The following RELN variants were observed in gnomAD, a reference collection of about 807,000 sequenced individuals.
RELN encodes reelin.
In RELN, 108 loss-of-function variants were observed where a neutral mutation model predicts 427.6. That is an observed-to-expected ratio of 0.25 (90% CI 0.22 to 0.30). The LOEUF is 0.30. RELN is among the 10% of genes least tolerant of loss of function. The pLI is 1.00. For missense variants in RELN, 3,715 were observed against 4,302.8 expected (o/e 0.86, Z 3.82); for synonymous variants, 1,524 against 1,513.4 (o/e 1.01, Z -0.16).
Position 103,952,545 on chromosome 7 carries a change from TCTCA to T in RELN, c.227-35364_227-35361del, listed in dbSNP as rs1407737407. 3.6e-3 allele frequency among the ~76,000 whole-genome samples: 528 copies of T among 145,340 alleles called. 4 individuals are homozygous for T. Among genetic ancestry groups the T allele is most frequent in the African/African-American group, 0.014 (511 of 37,646 alleles). ...CACACACACACACATACATACATAC[TCTCA>T]CTCTTTCTCTCTCTCTCTCTCTCTG... is the stretch of plus-strand genomic sequence containing the variant. On this transcript the variant is annotated intron_variant, in intron 1 of 64. Coordinates refer to ENST00000428762, the MANE Select transcript of RELN (RefSeq NM_005045.4).
At chr7:103,974,377 G>A (rs1796828305) in intron 1 of RELN, among the ~76,000 whole-genome samples, 1 of 152,184 alleles carries the variant, frequency 6.6e-6, no homozygotes, top group African/African-American at 2.4e-5. Flanking sequence ...TCCATTTCCT[G>A]AGCCTGTGGG....
intron 3 of RELN, among the ~76,000 whole-genome samples, chr7:103,777,132 A>G (rs1300496813): frequency 6.6e-6 from 1 of 152,194 alleles, no homozygotes; most frequent in East Asian, 1.9e-4. Context: ...AATCTGTCAT[A>G]ACAAAATAAA....
intron 8 of RELN, among the ~76,000 whole-genome samples, chr7:103,708,788 T>TA (rs1789711136): frequency 1.3e-5 from 2 of 152,122 alleles, no homozygotes; most frequent in Admixed American, 1.3e-4. Context: ...TTAACTCTCT[T>TA]ACACGATTCG....
intron 31 of RELN, 34 bp from the exon 32 acceptor site, chr7:103,566,793 C>T (rs1414442719): frequency 6.2e-7 from 1 of 1,600,612 alleles, no homozygotes; most frequent in East Asian, 2.2e-5. Flanking sequence ...GTTATTTGGA[C>T]ACTTTCCTAG....
rs552700955 is a variant in RELN, at chr7:103,788,420, G to A, written c.474-11793C>T. Among the ~76,000 whole-genome samples, 4 of 152,218 alleles carry A rather than the reference G, an allele frequency of 2.6e-5. No individual in the cohort carries two copies. The South Asian group carries it at 8.3e-4, about 32-fold the overall frequency. ...AATTGTCTCTGTTTGCAGATGACAC[G>A]ATTGTATATTTAGAAAACCCCATCG... On this transcript the variant is annotated intron_variant, in intron 3 of 64. Transcript: ENST00000428762.
At chr7:103,508,655 G>A (rs1011207366) in intron 51 of RELN, among the ~76,000 whole-genome samples, 26 of 152,168 alleles carry the variant, frequency 1.7e-4, no homozygotes, top group Non-Finnish European at 3.2e-4. Context: ...TCTGGCCAGG[G>A]CAATCAGGCA....
At chr7:103,481,086 A>G (rs1828216627) in intron 63 of RELN, among the ~76,000 whole-genome samples, 1 of 152,212 alleles carries the variant, frequency 6.6e-6, no homozygotes, top group African/African-American at 2.4e-5. Flanking sequence ...GACAGGGAGC[A>G]AGGAATAGAG....
chr7:103,959,544 AT>A (rs1796503921), intron 1 of RELN, among the ~76,000 whole-genome samples: 1 of 152,124 alleles, frequency 6.6e-6, no homozygotes, highest in Non-Finnish European at 1.5e-5. Context: ...ACTGAAGTAA[AT>A]GACAACTCCA....
At chr7:103,863,501 A>G (rs1252899542) in intron 2 of RELN, among the ~76,000 whole-genome samples, 2 of 152,182 alleles carry the variant, frequency 1.3e-5, no homozygotes, top group Non-Finnish European at 2.9e-5. Flanking sequence ...TATCCCTGCA[A>G]TGGGAGTAGT....
At chr7:103,496,446 T>C (rs1333391186) in intron 56 of RELN, 80 bp downstream of exon 56, 10 of 1,582,068 alleles carry the variant, frequency 6.3e-6, no homozygotes, top group African/African-American at 1.3e-5. Context: ...ATAAATGCTT[T>C]TCATGTGCTA....
chr7:103,565,439 C>CTGTAT lies in RELN; in HGVS notation c.5048_5049insATACA (p.Leu1684TyrfsTer7). On this transcript the variant is annotated frameshift_variant, in exon 34 of 65. Transcript: ENST00000428762. LOFTEE classifies it high-confidence loss of function. ...TGCCATTGTTCAGAGAATACTGGAGCTGTACACTGTGGGAGTTGCTGAAGG... is the reference window on the plus strand; with the variant it reads ...TGCCATTGTTCAGAGAATACTGGAGCTGTATTGTACACTGTGGGAGTTGCTGAAGG... The CTGTAT allele has an allele frequency of 6.2e-7, 1 of 1,613,914 alleles. No homozygotes were observed. Among genetic ancestry groups the CTGTAT allele is most frequent in the Non-Finnish European group, 8.5e-7 (1 of 1,179,952 alleles).
intron 19 of RELN, among the ~76,000 whole-genome samples, chr7:103,635,071 G>C (rs1053569341): frequency 1.3e-5 from 2 of 151,990 alleles, no homozygotes; most frequent in African/African-American, 2.4e-5. Context: ...ATGTTGACCA[G>C]GATGGTCTCA....
intron 2 of RELN, among the ~76,000 whole-genome samples, chr7:103,849,185 C>T (rs1393303019): frequency 6.6e-6 from 1 of 152,222 alleles, no homozygotes; most frequent in Non-Finnish European, 1.5e-5. Flanking sequence ...TCAGTCAAAG[C>T]AATGCTATCA....
intron 6 of RELN, among the ~76,000 whole-genome samples, chr7:103,742,117 C>A (rs1790679767): frequency 6.6e-6 from 1 of 152,170 alleles, no homozygotes; most frequent in African/African-American, 2.4e-5. Context: ...CCAATATTTG[C>A]TGTTCTGCAG....
rs1562974833 is a variant in RELN, at chr7:103,728,122, G to C, written c.742C>G (p.Pro248Ala). The C allele has an allele frequency of 6.2e-7, 1 of 1,613,700 alleles. No homozygotes were observed. Among genetic ancestry groups the C allele is most frequent in the South Asian group, 1.1e-5 (1 of 91,078 alleles). ...NAVTFCEPYG[P>A]RELITTGLNT... ...TAGCACATACTTACCAGTTCTCGTGGGCCATATGGTTCACAGAAGGTGACG... is the reference window on the plus strand; with the variant it reads ...TAGCACATACTTACCAGTTCTCGTGCGCCATATGGTTCACAGAAGGTGACG... The change falls in exon 7 of 65, where the codon CCA becomes GCA. Residue 248 changes from proline (P) to alanine (A), a missense_variant. Physicochemically the swap from Pro to Ala is conservative, Grantham distance 27. This residue lies in a region of RELN where 2,208 missense variants were observed against 2,361.7 expected (regional missense o/e 0.93). Coordinates refer to ENST00000428762, the MANE Select transcript of RELN (RefSeq NM_005045.4).
chr7:103,491,892 ACAC>A lies in RELN; in HGVS notation c.9443+58_9443+60del, dbSNP rs1367667687. 1.6e-4 allele frequency: 162 copies of A among 1,042,274 alleles called. No individual in the cohort carries two copies. In the African/African-American group the frequency reaches 2.5e-3, roughly 16 times the overall value. The allele number at this position is 1,042,274 out of a possible 1,614,324, so 64.6% of individuals were successfully genotyped here. A position where few individuals can be genotyped will look rare whatever the true frequency, so the allele number is the denominator to read the frequency against. On this transcript the variant is annotated intron_variant, in intron 58 of 64. Transcript: ENST00000428762. The stretch of plus-strand genomic sequence containing the variant: ...CACACACACACACACACACACACAC[ACAC>A]AACGATTTGGATGGGGTATTCAAGT...
chr7:103,780,443 T>C (rs1791860009), intron 3 of RELN, among the ~76,000 whole-genome samples: 1 of 152,218 alleles, frequency 6.6e-6, no homozygotes, highest in African/African-American at 2.4e-5. Flanking sequence ...TGCAGGTTTG[T>C]TACACAGGTA....
intron 48 of RELN, among the ~76,000 whole-genome samples, chr7:103,520,556 G>A (rs76026195): frequency 0.059 from 8,976 of 152,180 alleles, 380 homozygotes; most frequent in East Asian, 0.17. Context: ...GATTACAGGC[G>A]TGAGCCACCG....
chr7:103,525,453 G>A (rs894483347), intron 46 of RELN, among the ~76,000 whole-genome samples: 18 of 152,126 alleles, frequency 1.2e-4, no homozygotes, highest in Admixed American at 6.5e-5. Flanking sequence ...TGTTCTAAAC[G>A]TCCAGGAAGT....
Sources: allele counts gnomAD v4.1 joint callset (sites outside exome capture counted in the v4.1 genomes callset), GRCh38; gene constraint gnomAD v4.1.1; regional missense constraint gnomAD v4.1.1; transcripts MANE v1.5; gene names NCBI Gene and HGNC (gene_info 2026-07-23, HGNC 2026-07-21).